DTNA: variants seen among roughly 807,000 people sequenced by gnomAD.
The protein encoded by DTNA is dystrobrevin alpha, also known as dystrophin-related protein 3.
In DTNA, 43 loss-of-function variants were observed where a neutral mutation model predicts 100.7. That is an observed-to-expected ratio of 0.43 (90% confidence interval 0.33 to 0.55). The LOEUF (loss-of-function observed/expected upper bound fraction) is 0.55. DTNA is among the 20% of genes least tolerant of loss of function. The pLI, the probability that DTNA is intolerant of heterozygous loss-of-function variation, is 0.04. For missense variants in DTNA, 798 were observed against 953.9 expected, an observed-to-expected ratio of 0.84 and a Z score of 2.15; for synonymous variants, 349 against 347.9, an observed-to-expected ratio of 1.00 and a Z score of -0.04.
At chr18:34,595,170 G>A (rs553625649) in intron 1 of DTNA, among the ~76,000 whole-genome samples, 1 of 152,310 alleles carries the variant, frequency 6.6e-6, no homozygotes, top group East Asian at 1.9e-4. Context: ...GTACTGAATG[G>A]TTGACAATAA....
intron 1 of DTNA, among the ~76,000 whole-genome samples, chr18:34,681,755 C>T (rs2078165206): frequency 6.6e-6 from 1 of 151,280 alleles, no homozygotes; most frequent in Non-Finnish European, 1.5e-5. Context: ...ACCCTATGGA[C>T]ATCCTCCACC....
chr18:34,715,208 A>G (rs531293178), intron 1 of DTNA, among the ~76,000 whole-genome samples: 29 of 149,268 alleles, frequency 1.9e-4, no homozygotes, highest in Non-Finnish European at 3.6e-4. Flanking sequence ...AAAGTATAAT[A>G]ATAAAAAATA....
At chr18:34,844,111 T>G (rs1412407446) in intron 13 of DTNA, among the ~76,000 whole-genome samples, 1 of 152,110 alleles carries the variant, frequency 6.6e-6, no homozygotes, top group Non-Finnish European at 1.5e-5. Context: ...CAGGAACAGT[T>G]GGAGTAGAAG....
intron 1 of DTNA, among the ~76,000 whole-genome samples, chr18:34,625,486 A>G (rs1033075049): frequency 2.0e-5 from 3 of 152,174 alleles, no homozygotes; most frequent in Non-Finnish European, 4.4e-5. Context: ...GACACCTTTT[A>G]AGTGATATAC....
At chr18:34,632,439 G>T (rs1052779835) in intron 1 of DTNA, among the ~76,000 whole-genome samples, 18 of 152,200 alleles carry the variant, frequency 1.2e-4, no homozygotes, top group African/African-American at 1.7e-4. Context: ...TCTATATAAC[G>T]CTGGGCATGG....
chr18:34,821,015 A>C, intron 9 of DTNA, 100 bp downstream of exon 9: 1 of 1,547,928 alleles, frequency 6.5e-7, no homozygotes, highest in Non-Finnish European at 8.9e-7. Context: ...AGCAACCAAG[A>C]TTTTTAATTT....
At chr18:34,561,390 T>C (rs773608740) in intron 1 of DTNA, among the ~76,000 whole-genome samples, 18 of 152,188 alleles carry the variant, frequency 1.2e-4, no homozygotes, top group Non-Finnish European at 2.4e-4. Flanking sequence ...TCATGTGTTT[T>C]AAAACACGTG....
intron 3 of DTNA, among the ~76,000 whole-genome samples, chr18:34,770,770 A>G (rs982603461): frequency 6.9e-6 from 1 of 144,884 alleles, no homozygotes; most frequent in Non-Finnish European, 1.5e-5. Context: ...CATACTCCCA[A>G]GAAGAATTAT....
intron 1 of DTNA, among the ~76,000 whole-genome samples, chr18:34,627,115 G>A (rs1423555979): frequency 1.3e-5 from 2 of 151,162 alleles, no homozygotes; most frequent in African/African-American, 4.9e-5. Flanking sequence ...TTCTGCTTAA[G>A]CAAAAGTCTA....
chr18:34,607,062 T>A (rs1218766911), intron 1 of DTNA, among the ~76,000 whole-genome samples: 1 of 152,216 alleles, frequency 6.6e-6, no homozygotes, highest in Admixed American at 6.5e-5. Context: ...CTGTATCCAG[T>A]TCTTTGAATT....
chr18:34,788,192 T>C (rs1485195246), intron 3 of DTNA, among the ~76,000 whole-genome samples: 1 of 152,220 alleles, frequency 6.6e-6, no homozygotes, highest in African/African-American at 2.4e-5. Flanking sequence ...ATGATTTAAC[T>C]AGCACAGCAG....
Position 34,889,159 on chromosome 18 carries a change from A to G in DTNA, c.*1425A>G. The stretch of plus-strand genomic sequence containing the variant: ...TTTAAAAAAGCCTGCGACCTATTCA[A>G]TACATTATGCTTAAATTAGCAGTTT... On this transcript the variant is annotated 3_prime_UTR_variant, in exon 23 of 23. Transcript: ENST00000444659. 1.0e-6 allele frequency: 1 copy of G among 985,422 alleles called. No homozygotes were observed. Among genetic ancestry groups the G allele is most frequent in the Non-Finnish European group, 1.2e-6 (1 of 829,934 alleles). 61.0% of individuals were successfully genotyped at this position (985,422 alleles called of 1,614,324 possible).
intron 1 of DTNA, among the ~76,000 whole-genome samples, chr18:34,493,696 C>T (rs2038796375): frequency 6.7e-6 from 1 of 149,264 alleles, no homozygotes; most frequent in Non-Finnish European, 1.5e-5. Flanking sequence ...GCCCCGGCTG[C>T]GCAGGGACCG....
intron 1 of DTNA, among the ~76,000 whole-genome samples, chr18:34,569,872 T>C (rs1303170508): frequency 1.3e-5 from 2 of 149,044 alleles, no homozygotes; most frequent in African/African-American, 5.1e-5. Flanking sequence ...GTTAATTTCA[T>C]ACACATACAC....
intron 1 of DTNA, among the ~76,000 whole-genome samples, chr18:34,631,766 C>T (rs2058106095): frequency 6.6e-6 from 1 of 152,168 alleles, no homozygotes; most frequent in Non-Finnish European, 1.5e-5. Context: ...TCTGTTTACA[C>T]TCCTACCCTG....
At chr18:34,719,383 TC>T (rs1346811084) in intron 1 of DTNA, among the ~76,000 whole-genome samples, 2 of 151,102 alleles carry the variant, frequency 1.3e-5, no homozygotes, top group Admixed American at 6.6e-5. Context: ...TTATTATCTC[TC>T]CATCAATCCT....
chr18:34,838,045 T>C (rs541633720), intron 11 of DTNA, 49 bp from the exon 12 acceptor site: 7 of 1,545,952 alleles, frequency 4.5e-6, no homozygotes, highest in Admixed American at 3.4e-5. Flanking sequence ...TATTCTTGAA[T>C]GCATTGCCGT....
chr18:34,612,365 A>T (rs1309862774), intron 1 of DTNA, among the ~76,000 whole-genome samples: 1 of 152,152 alleles, frequency 6.6e-6, no homozygotes, highest in African/African-American at 2.4e-5. Context: ...CACATAGGAC[A>T]GTGGGCGATG....
At chr18:34,740,657 A>G (rs1234228737) in intron 1 of DTNA, among the ~76,000 whole-genome samples, 1 of 152,030 alleles carries the variant, frequency 6.6e-6, no homozygotes, top group Non-Finnish European at 1.5e-5. Flanking sequence ...AAATTAGGGC[A>G]TGATGGTGCA....
Sources: gnomAD v4.1 joint callset for allele counts (sites outside exome capture counted in the v4.1 genomes callset) on GRCh38, gnomAD v4.1.1 for gene constraint, MANE v1.5 for transcripts, NCBI Gene and HGNC (gene_info 2026-07-23, HGNC 2026-07-21) for gene names.